The following FAM91A1 variants were observed in gnomAD, a reference collection of about 807,000 sequenced individuals.
FAM91A1 encodes protein FAM91A1.
In FAM91A1, 41 loss-of-function variants were observed where a neutral mutation model predicts 113.5. The observed-to-expected ratio is 0.36, with a 90% CI of 0.28 to 0.47. The LOEUF is 0.47. Ranked by LOEUF, FAM91A1 falls within the 20% of genes least tolerant of loss-of-function variation. The pLI, the probability that FAM91A1 is intolerant of heterozygous loss-of-function variation, is 1.00. For synonymous variants in FAM91A1, 307 were observed against 347.9 expected (o/e 0.88, Z 1.31); for missense variants, 696 against 1,001.2 (o/e 0.70, Z 4.11).
At chr8:123,808,752 C>A in intron 21 of FAM91A1, 141 bp from the exon 22 acceptor site, 1 of 782,002 alleles carries the variant, frequency 1.3e-6, no homozygotes, top group Middle Eastern at 4.0e-4. Context: ...TTTCTTCCTC[C>A]CCTGCCAAGC....
intron 20 of FAM91A1, among the ~76,000 whole-genome samples, chr8:123,807,074 A>C (rs533336538): frequency 2.6e-5 from 4 of 152,220 alleles, no homozygotes; most frequent in Non-Finnish European, 5.9e-5. Context: ...ACAGTATTCC[A>C]TGAGCCTCTT....
rs79422472 is a variant in FAM91A1 at position 123,791,416 on chromosome 8, A to G, written c.1411+1671A>G. Among the ~76,000 whole-genome samples the G allele has an allele frequency of 4.2e-3, 636 of 152,162 alleles. 13 individuals are homozygous for G. The East Asian group carries it at 0.075, about 18-fold the overall frequency. On this transcript the variant is annotated intron_variant, in intron 15 of 23. Coordinates refer to ENST00000334705, the MANE Select transcript of FAM91A1 (RefSeq NM_144963.4). ...GCTGGGCTAAATTTTTTCCCCATGA[A>G]TAGTCAGTGTACCATGAAGTAAGTT...
In FAM91A1 at chr8:123,806,242, T is replaced by C. The variant is rs747733336; in HGVS notation, c.2032+13T>C. 2 of 1,600,490 alleles carry C rather than the reference T, an allele frequency of 1.2e-6. No homozygotes were observed. The highest frequency in any genetic ancestry group is 1.7e-5 in the Admixed American group (1 of 58,698). On this transcript the variant is annotated intron_variant, in intron 20 of 23. Coordinates refer to ENST00000334705, the MANE Select transcript of FAM91A1 (RefSeq NM_144963.4). ...TCTGATGAGAGAGGTTAGCCAATAG[T>C]TGGATTCTTTGGATTAAGATAATTG...
chr8:123,780,808 T>TA (rs1422298887), intron 8 of FAM91A1, among the ~76,000 whole-genome samples: 1 of 152,206 alleles, frequency 6.6e-6, no homozygotes, highest in Non-Finnish European at 1.5e-5. Flanking sequence ...AAATTTTTGT[T>TA]ACCTTTTAAT....
chr8:123,804,212 G>A (rs553095057), intron 18 of FAM91A1, among the ~76,000 whole-genome samples: 7 of 151,962 alleles, frequency 4.6e-5, no homozygotes, highest in South Asian at 2.1e-4. Flanking sequence ...GAGCCTGGGC[G>A]CGGTGGCTCA....
intron 2 of FAM91A1, among the ~76,000 whole-genome samples, chr8:123,774,509 A>G (rs1814932006): frequency 6.6e-6 from 1 of 152,156 alleles, no homozygotes; most frequent in South Asian, 2.1e-4. Flanking sequence ...GTCTCCATAA[A>G]TTTTCCAAAT....
At chr8:123,773,729 A>G (rs1286780673) in intron 1 of FAM91A1, among the ~76,000 whole-genome samples, 1 of 152,182 alleles carries the variant, frequency 6.6e-6, no homozygotes, top group Non-Finnish European at 1.5e-5. Context: ...CATCTATCCA[A>G]CCACTTAATA....
chr8:123,768,873 T>C (rs950311032), intron 1 of FAM91A1, 99 bp downstream of exon 1: 5 of 1,228,254 alleles, frequency 4.1e-6, no homozygotes, highest in Non-Finnish European at 5.8e-6. Context: ...TGCTGCCGGC[T>C]GACTCCCTTC....
chr8:123,784,385 T>C (rs1004383463), intron 8 of FAM91A1, 85 bp from the exon 9 acceptor site: 7 of 992,066 alleles, frequency 7.1e-6, no homozygotes, highest in African/African-American at 3.4e-5. Flanking sequence ...GTTAGAGGTT[T>C]CTTTTTTTAA....
At chr8:123,809,078 A>G in intron 22 of FAM91A1, 62 bp downstream of exon 22, 2 of 1,580,368 alleles carry the variant, frequency 1.3e-6, no homozygotes, top group Non-Finnish European at 8.6e-7. Flanking sequence ...GCAAATAGTT[A>G]CCATATCTTA....
intron 18 of FAM91A1, 143 bp from the exon 19 acceptor site, chr8:123,805,124 A>G: frequency 1.6e-6 from 1 of 628,838 alleles, no homozygotes; most frequent in South Asian, 2.4e-5. Flanking sequence ...CTTGCTGAAG[A>G]AAAATAGAAA....
At chr8:123,794,851 TG>T (rs1233392858) in intron 15 of FAM91A1, among the ~76,000 whole-genome samples, 1 of 152,228 alleles carries the variant, frequency 6.6e-6, no homozygotes, top group Non-Finnish European at 1.5e-5. Context: ...GATTGAGATC[TG>T]CAGCTGCAGT....
At chr8:123,785,477 AG>A (rs1295909937) in intron 10 of FAM91A1, 151 bp from the exon 11 acceptor site, 1 of 625,236 alleles carries the variant, frequency 1.6e-6, no homozygotes, top group Non-Finnish European at 2.8e-6. Context: ...GAAGACTTCA[AG>A]GGAGGAGCAG....
At chr8:123,809,099 A>G (rs985823655) in intron 22 of FAM91A1, 83 bp downstream of exon 22, 7 of 1,536,762 alleles carry the variant, frequency 4.6e-6, no homozygotes, top group Non-Finnish European at 6.2e-6. Context: ...CTTTTATTCC[A>G]CACATGAGCA....
Position 123,813,464 on chromosome 8 carries a change from T to C in FAM91A1, c.*760T>C, listed in dbSNP as rs1234637114. 6.6e-6 allele frequency: 1 copy of C among 152,632 alleles called. No homozygotes were observed. Among genetic ancestry groups the C allele is most frequent in the Admixed American group, 6.5e-5 (1 of 15,280 alleles). The allele number at this position is 152,632 out of a possible 1,614,324, so 9.5% of individuals were successfully genotyped here. A position where few individuals can be genotyped will look rare whatever the true frequency, so the allele number is the denominator to read the frequency against. On this transcript the variant is annotated 3_prime_UTR_variant, in exon 24 of 24. Coordinates refer to ENST00000334705, the MANE Select transcript of FAM91A1 (RefSeq NM_144963.4). ...GGAAAAAATAGAATTTATTTTCCAC[T>C]CTTGTAGCTATAGCTGCTGCACACT...
In FAM91A1 at chr8:123,798,043, C is replaced by T. The variant is rs755552961; in HGVS notation, c.1412-47C>T. 3 of 1,528,404 alleles carry T rather than the reference C, an allele frequency of 2.0e-6. No homozygotes were observed. In the East Asian group the frequency reaches 7.2e-5, roughly 37 times the overall value. The allele number at this position is 1,528,404 out of a possible 1,614,324, so 94.7% of individuals were successfully genotyped here. A position where few individuals can be genotyped will look rare whatever the true frequency, so the allele number is the denominator to read the frequency against. ...TATTGCATCTTCAACATTTTTGTTT[C>T]ACACTCTCAGTCTTTTATTCTGTGT... On this transcript the variant is annotated intron_variant, in intron 15 of 23. Transcript: ENST00000334705.
chr8:123,808,453 C>G (rs1815868007), intron 21 of FAM91A1, 77 bp downstream of exon 21: 4 of 1,150,280 alleles, frequency 3.5e-6, no homozygotes, highest in Middle Eastern at 2.0e-4. Flanking sequence ...CATTTGCATG[C>G]CATTTGTCTA....
chr8:123,776,198 G>A (rs1312926126), intron 3 of FAM91A1, among the ~76,000 whole-genome samples: 1 of 152,144 alleles, frequency 6.6e-6, no homozygotes. Flanking sequence ...GTTATATACT[G>A]TTTTCAAGTG....
intron 1 of FAM91A1, among the ~76,000 whole-genome samples, chr8:123,773,468 A>G (rs6990465): frequency 0.049 from 7,504 of 152,276 alleles, 249 homozygotes; most frequent in African/African-American, 0.091. Flanking sequence ...CACTGCAACA[A>G]AACACTAAGT....
Sources: allele counts gnomAD v4.1 joint callset (sites outside exome capture counted in the v4.1 genomes callset), GRCh38; gene constraint gnomAD v4.1.1; transcripts MANE v1.5; gene names NCBI Gene and HGNC (gene_info 2026-07-23, HGNC 2026-07-21).